The following TMEM120B variants were observed in gnomAD, a reference collection of about 807,000 sequenced individuals.
TMEM120B encodes the protein transmembrane protein 120B.
In TMEM120B, 31 loss-of-function variants were observed where a neutral mutation model predicts 55.5. The observed-to-expected ratio is 0.56, with a 90% CI of 0.42 to 0.75. The LOEUF (loss-of-function observed/expected upper bound fraction) is 0.75. Ranked by LOEUF, TMEM120B falls within the 30% of genes least tolerant of loss-of-function variation. TMEM120B has a pLI of 0.00. For synonymous variants in TMEM120B, 203 were observed against 176.3 expected (o/e 1.15, Z -1.20); for missense variants, 399 against 425.5 (o/e 0.94, Z 0.55).
chr12:121,732,359 A>G (rs1895017720), intron 1 of TMEM120B, among the ~76,000 whole-genome samples: 1 of 152,096 alleles, frequency 6.6e-6, no homozygotes, highest in South Asian at 2.1e-4. Context: ...CCTAGAGCTA[A>G]GGCTGGGGGT....
chr12:121,719,244 A>G (rs941618561), intron 1 of TMEM120B, among the ~76,000 whole-genome samples: 6 of 144,988 alleles, frequency 4.1e-5, no homozygotes, highest in Admixed American at 1.4e-4. Flanking sequence ...CTGGTAGTTT[A>G]AAAAAAAAAA....
At chr12:121,749,033 C>T (rs147507864) in intron 3 of TMEM120B, among the ~76,000 whole-genome samples, 5 of 152,312 alleles carry the variant, frequency 3.3e-5, no homozygotes, top group African/African-American at 1.2e-4. Flanking sequence ...ATCATCATGA[C>T]CTGACTTAAC....
At chr12:121,750,304 A>G (rs1873234952) in intron 3 of TMEM120B, 76 bp from the exon 4 acceptor site, 15 of 1,364,838 alleles carry the variant, frequency 1.1e-5, no homozygotes, top group Non-Finnish European at 1.0e-6. Flanking sequence ...GTGCTCATTA[A>G]GTGTGTTGAG....
intron 1 of TMEM120B, among the ~76,000 whole-genome samples, chr12:121,740,497 C>A (rs1217275224): frequency 4.0e-5 from 6 of 150,556 alleles, no homozygotes; most frequent in Non-Finnish European, 8.9e-5. Flanking sequence ...AAAAAAAAAA[C>A]CAAAAAGCTG....
At chr12:121,739,551 C>T (rs910052446) in intron 1 of TMEM120B, among the ~76,000 whole-genome samples, 1 of 152,028 alleles carries the variant, frequency 6.6e-6, no homozygotes, top group Non-Finnish European at 1.5e-5. Flanking sequence ...CAGCTAACTA[C>T]AGCCACCACC....
intron 6 of TMEM120B, among the ~76,000 whole-genome samples, chr12:121,766,770 T>C (rs956913896): frequency 1.3e-4 from 20 of 152,218 alleles, no homozygotes; most frequent in Admixed American, 1.3e-3. Flanking sequence ...TGGGCTGTGA[T>C]CAGCAACTGG....
intron 6 of TMEM120B, among the ~76,000 whole-genome samples, chr12:121,761,999 AAAG>A (rs1432083218): frequency 1.3e-5 from 2 of 152,114 alleles, no homozygotes; most frequent in Admixed American, 6.6e-5. Flanking sequence ...TTTCTCATAA[AAAG>A]AAGTGAGCGG....
In TMEM120B at chr12:121,758,680, C is replaced by CCCAG. The variant is rs1873562910; in HGVS notation, c.462-2968_462-2967insCAGC. 3.1e-6 allele frequency: 3 copies of CCCAG among 975,132 alleles called. No individual in the cohort carries two copies. The African/African-American group carries it at 5.6e-5, about 18-fold the overall frequency. The allele number at this position is 975,132 out of a possible 1,614,324, so 60.4% of individuals were successfully genotyped here. On this transcript the variant is annotated intron_variant, in intron 5 of 11. Coordinates refer to ENST00000449592, the MANE Select transcript of TMEM120B (RefSeq NM_001080825.2). ...CTGTGGTCACCATGGAGGAGGATGG[C>CCCAG]CTAGCTCCACGCTGTGGTCACCATG...
chr12:121,739,480 C>CT (rs964314614), intron 1 of TMEM120B, among the ~76,000 whole-genome samples: 94 of 109,644 alleles, frequency 8.6e-4, no homozygotes, highest in African/African-American at 1.9e-3. Flanking sequence ...TATGTAACTT[C>CT]TTTTTTTTTT....
intron 1 of TMEM120B, among the ~76,000 whole-genome samples, chr12:121,720,929 G>A (rs1032922845): frequency 2.6e-5 from 4 of 152,078 alleles, no homozygotes; most frequent in Non-Finnish European, 5.9e-5. Flanking sequence ...TGGATCTTCC[G>A]ACAGCCAAGA....
At chr12:121,764,925 C>T (rs1184828226) in intron 6 of TMEM120B, among the ~76,000 whole-genome samples, 1 of 152,112 alleles carries the variant, frequency 6.6e-6, no homozygotes, top group Admixed American at 6.5e-5. Flanking sequence ...GGAGTTCACT[C>T]TCTGACAGGA....
Position 121,779,125 on chromosome 12 carries a change from C to T in TMEM120B, c.*3403C>T, listed in dbSNP as rs953336586. The T allele has an allele frequency of 1.5e-5, 3 of 204,290 alleles. No individual in the cohort carries two copies. Among genetic ancestry groups the T allele is most frequent in the East Asian group, 1.1e-4 (1 of 8,866 alleles). 12.7% of individuals were successfully genotyped at this position (204,290 alleles called of 1,614,324 possible). ...GGACACAGGAGTGGCAGGCTTGGGG[C>T]GCCCGCGTGGAACAGTGCCAGGTCT... On this transcript the variant is annotated 3_prime_UTR_variant, in exon 12 of 12. Coordinates refer to ENST00000449592, the MANE Select transcript of TMEM120B (RefSeq NM_001080825.2).
At chr12:121,713,083 G>T in intron 1 of TMEM120B, 119 bp downstream of exon 1, 5 of 777,094 alleles carry the variant, frequency 6.4e-6, no homozygotes, top group Non-Finnish European at 3.9e-6. Context: ...CCCCGGAGAG[G>T]CCCTGGGGGC....
chr12:121,754,479 G>A, intron 5 of TMEM120B, among the ~76,000 whole-genome samples: 1 of 152,220 alleles, frequency 6.6e-6, no homozygotes, highest in East Asian at 1.9e-4. Context: ...AGTTCTGGAA[G>A]CCGGCGGTCT....
In TMEM120B at chr12:121,769,715, C is replaced by CGTGTGTGTGTGTGT. The variant is rs63639861; in HGVS notation, c.552-1183_552-1170dup. Among the ~76,000 whole-genome samples the CGTGTGTGTGTGTGT allele has an allele frequency of 2.1e-3, 319 of 148,418 alleles. 1 individual carries two copies. The highest frequency in any genetic ancestry group is 3.6e-3 in the African/African-American group (147 of 40,306). On this transcript the variant is annotated intron_variant, in intron 6 of 11. Coordinates refer to ENST00000449592, the MANE Select transcript of TMEM120B (RefSeq NM_001080825.2). ...GAGACCCTGCCTGGAAAAGAGAAAA[C>CGTGTGTGTGTGTGT]GTGTGTGTGTGTGTGTGTGTGTACA...
intron 1 of TMEM120B, among the ~76,000 whole-genome samples, chr12:121,725,901 G>A (rs1407262446): frequency 6.6e-6 from 1 of 152,032 alleles, no homozygotes; most frequent in Admixed American, 6.6e-5. Context: ...GCCGGGTGTG[G>A]TGATGCGTAC....
chr12:121,750,234 T>C (rs1873232740), intron 3 of TMEM120B, 146 bp from the exon 4 acceptor site: 1 of 737,582 alleles, frequency 1.4e-6, no homozygotes, highest in African/African-American at 1.7e-5. Context: ...TCACTCGATG[T>C]GGGGGCCCAT....
At chr12:121,744,452 C>T (rs140877428) in intron 2 of TMEM120B, among the ~76,000 whole-genome samples, 1 of 152,306 alleles carries the variant, frequency 6.6e-6, no homozygotes, top group Non-Finnish European at 1.5e-5. Context: ...TAGGAAGGTG[C>T]CCTGCCGGAC....
At chr12:121,762,672 G>T (rs567171407) in intron 6 of TMEM120B, among the ~76,000 whole-genome samples, 10 of 152,192 alleles carry the variant, frequency 6.6e-5, no homozygotes, top group Non-Finnish European at 1.5e-4. Context: ...GTTACTAGGA[G>T]GATGGACGGG....
Sources: allele counts gnomAD v4.1 joint callset (sites outside exome capture counted in the v4.1 genomes callset), GRCh38; gene constraint gnomAD v4.1.1; transcripts MANE v1.5; gene names NCBI Gene and HGNC (gene_info 2026-07-23, HGNC 2026-07-21).